The following RAB3C variants were observed in gnomAD, a reference collection of about 807,000 sequenced individuals.
RAB3C encodes ras-related protein Rab-3C.
Under a neutral mutation model 26.4 loss-of-function variants are expected in RAB3C, and 17 were observed. That is an observed-to-expected ratio of 0.64 (90% CI 0.44 to 0.97). The LOEUF (loss-of-function observed/expected upper bound fraction) is 0.97. Among genes scored for constraint, RAB3C ranks in the 50% least tolerant of loss-of-function variants. The pLI is 0.00. For synonymous variants in RAB3C, 91 were observed against 95.9 expected, an observed-to-expected ratio of 0.95 and a Z score of 0.30; for missense variants, 242 against 281.9, an observed-to-expected ratio of 0.86 and a Z score of 1.01.
chr5:58,592,378 T>G (rs1422811579), intron 1 of RAB3C, among the ~76,000 whole-genome samples: 1 of 152,160 alleles, frequency 6.6e-6, no homozygotes, highest in Non-Finnish European at 1.5e-5. Flanking sequence ...TGTGAAATTG[T>G]TGTCATATGT....
intron 3 of RAB3C, among the ~76,000 whole-genome samples, chr5:58,765,850 T>C (rs1741889878): frequency 6.6e-6 from 1 of 152,106 alleles, no homozygotes; most frequent in South Asian, 2.1e-4. Context: ...TGGGAGGTGA[T>C]TGGATCATGG....
At chr5:58,733,106 CT>C (rs928868678) in intron 3 of RAB3C, among the ~76,000 whole-genome samples, 1 of 152,072 alleles carries the variant, frequency 6.6e-6, no homozygotes, top group African/African-American at 2.4e-5. Context: ...ATTTGGTTAT[CT>C]TTTTTCCTGC....
At chr5:58,812,316 T>A (rs548688359) in intron 3 of RAB3C, among the ~76,000 whole-genome samples, 2 of 152,220 alleles carry the variant, frequency 1.3e-5, no homozygotes, top group Non-Finnish European at 2.9e-5. Flanking sequence ...TCCCTGCTCC[T>A]CATTCCTCCC....
At chr5:58,820,135 G>A (rs185857054) in intron 3 of RAB3C, among the ~76,000 whole-genome samples, 10 of 151,126 alleles carry the variant, frequency 6.6e-5, no homozygotes, top group Non-Finnish European at 8.8e-5. Context: ...ACAACATAGT[G>A]TTCTACAGGA....
Position 58,857,532 on chromosome 5 carries a change from CA to C in RAB3C, c.*6182del, listed in dbSNP as rs1193649379. 6 of 152,136 alleles carry C rather than the reference CA, an allele frequency of 3.9e-5. No individual in the cohort carries two copies. Among genetic ancestry groups the C allele is most frequent in the African/African-American group, 1.4e-4 (6 of 41,430 alleles). The allele number at this position is 152,136 out of a possible 1,614,324, so 9.4% of individuals were successfully genotyped here. A position where few individuals can be genotyped will look rare whatever the true frequency, so the allele number is the denominator to read the frequency against. ...TTAGGAAAAGTCATGTTTTTCTTCT[CA>C]GAAAGGTTGATCACATGACATGTCT... is the stretch of plus-strand genomic sequence containing the variant. On this transcript the variant is annotated 3_prime_UTR_variant, in exon 5 of 5. Transcript: ENST00000282878.
intron 3 of RAB3C, among the ~76,000 whole-genome samples, chr5:58,752,339 G>A (rs1477610473): frequency 1.3e-5 from 2 of 152,022 alleles, no homozygotes; most frequent in African/African-American, 4.8e-5. Flanking sequence ...AAGGGATTTA[G>A]GAATACAGCC....
chr5:58,641,959 G>C (rs1165661823), intron 2 of RAB3C, among the ~76,000 whole-genome samples: 1 of 152,124 alleles, frequency 6.6e-6, no homozygotes, highest in African/African-American at 2.4e-5. Context: ...AAGAGCACAG[G>C]CTCCTTGGGC....
intron 4 of RAB3C, among the ~76,000 whole-genome samples, chr5:58,834,733 T>A (rs963208561): frequency 6.6e-6 from 1 of 152,192 alleles, no homozygotes; most frequent in Admixed American, 6.5e-5. Context: ...CCAGGAGGTA[T>A]AAACTAAACC....
chr5:58,783,095 A>G (rs376410722), intron 3 of RAB3C, among the ~76,000 whole-genome samples: 2 of 152,172 alleles, frequency 1.3e-5, no homozygotes, highest in East Asian at 3.9e-4. Flanking sequence ...TAGTACTGGC[A>G]GGTCTGAATG....
chr5:58,588,190 A>G (rs1746050974), intron 1 of RAB3C, among the ~76,000 whole-genome samples: 1 of 152,120 alleles, frequency 6.6e-6, no homozygotes. Context: ...TTTTTATGAT[A>G]ATATCTTTTC....
rs571098848 is a variant in RAB3C, at chr5:58,594,802, A to G, written c.24+11570A>G. On this transcript the variant is annotated intron_variant, in intron 1 of 4. Coordinates refer to ENST00000282878, the MANE Select transcript of RAB3C (RefSeq NM_138453.4). ...ATGTTTAGTGTTTTTAAAAATGTTT[A>G]ATGATGAAAACTTATTGGGAAACAA... 2.0e-5 allele frequency among the ~76,000 whole-genome samples: 3 copies of G among 149,804 alleles called. No homozygotes were observed. In the East Asian group the frequency reaches 5.8e-4, roughly 29 times the overall value.
At chr5:58,652,996 ACTTC>A (rs1747690839) in intron 2 of RAB3C, among the ~76,000 whole-genome samples, 1 of 152,170 alleles carries the variant, frequency 6.6e-6, no homozygotes. Context: ...TTATACTTTA[ACTTC>A]TAGGATACAA....
intron 2 of RAB3C, among the ~76,000 whole-genome samples, chr5:58,627,985 G>T (rs890845241): frequency 6.6e-6 from 1 of 151,862 alleles, no homozygotes; most frequent in Non-Finnish European, 1.5e-5. Context: ...GTGAAACCCC[G>T]TCTCTACTAA....
intron 2 of RAB3C, among the ~76,000 whole-genome samples, chr5:58,627,471 TAAAAAAAAAAAA>T (rs58104232): frequency 2.9e-5 from 2 of 68,440 alleles, no homozygotes; most frequent in Non-Finnish European, 6.4e-5. Flanking sequence ...GACTCCGTCT[TAAAAAAAAAAAA>T]AAAAAAAAAA....
chr5:58,671,080 T>C (rs550588712), intron 2 of RAB3C, among the ~76,000 whole-genome samples: 125 of 152,110 alleles, frequency 8.2e-4, no homozygotes, highest in Non-Finnish European at 1.6e-3. Context: ...ACCTCTCAGG[T>C]CCCAGGTGAT....
intron 3 of RAB3C, among the ~76,000 whole-genome samples, chr5:58,740,297 G>A (rs537645729): frequency 8.3e-4 from 126 of 152,284 alleles, no homozygotes; most frequent in Non-Finnish European, 1.4e-3. Flanking sequence ...GTCTTTGCAA[G>A]TTCGTGTTTT....
intron 2 of RAB3C, among the ~76,000 whole-genome samples, chr5:58,689,716 C>T (rs542894107): frequency 6.6e-6 from 1 of 152,192 alleles, no homozygotes; most frequent in African/African-American, 2.4e-5. Context: ...CATTCATTCC[C>T]TTGACACAAG....
chr5:58,615,448 G>T (rs1024663543), intron 1 of RAB3C, among the ~76,000 whole-genome samples: 3 of 152,298 alleles, frequency 2.0e-5, no homozygotes, highest in East Asian at 3.9e-4. Flanking sequence ...AGCATTAAAT[G>T]ATGAAAGGAC....
intron 2 of RAB3C, among the ~76,000 whole-genome samples, chr5:58,659,943 A>G (rs1747864854): frequency 6.6e-6 from 1 of 152,108 alleles, no homozygotes; most frequent in Non-Finnish European, 1.5e-5. Flanking sequence ...AGATGGGACT[A>G]CAGGCACATG....
Sources: gnomAD v4.1 joint callset for allele counts (sites outside exome capture counted in the v4.1 genomes callset) on GRCh38, gnomAD v4.1.1 for gene constraint, MANE v1.5 for transcripts, NCBI Gene and HGNC (gene_info 2026-07-23, HGNC 2026-07-21) for gene names.